Variants in ZFP1 observed in about 807,000 individuals in gnomAD.
The protein encoded by ZFP1 is ZFP1 zinc finger protein.
ZFP1 carries 32 observed loss-of-function variants against 38.5 expected under a neutral mutation model. The observed-to-expected ratio is 0.83, with a 90% CI of 0.63 to 1.12. The LOEUF (loss-of-function observed/expected upper bound fraction) is 1.12, where lower values mean the gene tolerates loss of function less well. ZFP1 is among the 50% of genes most tolerant of loss of function. The pLI, the probability that ZFP1 is intolerant of heterozygous loss-of-function variation, is 0.00. For synonymous variants in ZFP1, 245 were observed against 168.8 expected, an observed-to-expected ratio of 1.45 and a Z score of -3.50; for missense variants, 616 against 480.8, an observed-to-expected ratio of 1.28 and a Z score of -2.63.
chr16:75,163,560 C>T (rs967909061), intron 2 of ZFP1, among the ~76,000 whole-genome samples: 3 of 151,674 alleles, frequency 2.0e-5, no homozygotes, highest in Non-Finnish European at 1.5e-5. Context: ...GATCCACCTG[C>T]GTCGGCCTCC....
chr16:75,123,213 G>T, the ZFP1 span, among the ~76,000 whole-genome samples: 1 of 151,208 alleles, frequency 6.6e-6, no homozygotes. Context: ...AATTAGCTGG[G>T]CACAGTGGTG....
chr16:75,169,399 GTTTC>G lies in ZFP1; in HGVS notation c.293_296del (p.Ser98Ter), dbSNP rs866753231. On this transcript the variant is annotated frameshift_variant, in exon 4 of 4. Coordinates refer to ENST00000570010, the MANE Select transcript of ZFP1 (RefSeq NM_153688.4). LOFTEE classifies it high-confidence loss of function. ...AGCACTTAATCTGAACACAGACTTT[GTTTC>G]TTTAAGACAAGTACCTTATAAATAT... The G allele has an allele frequency of 6.2e-7, 1 of 1,614,084 alleles. No homozygotes were observed. Among genetic ancestry groups the G allele is most frequent in the Non-Finnish European group, 8.5e-7 (1 of 1,179,990 alleles).
chr16:75,124,461 C>G, the ZFP1 span, among the ~76,000 whole-genome samples: 1 of 143,170 alleles, frequency 7.0e-6, no homozygotes, highest in Admixed American at 6.9e-5. Context: ...CGCCCGGCTT[C>G]AAAGCTAATT....
intron 1 of ZFP1, among the ~76,000 whole-genome samples, chr16:75,150,568 A>ATAC (rs1275805188): frequency 6.6e-6 from 1 of 152,070 alleles, no homozygotes; most frequent in Non-Finnish European, 1.5e-5. Context: ...TTTGGTCAGA[A>ATAC]TACTGTGTTA....
At chr16:75,122,519 A>G in the ZFP1 span, among the ~76,000 whole-genome samples, 221 of 152,372 alleles carry the variant, frequency 1.5e-3, 1 homozygote, top group Middle Eastern at 6.8e-3. Flanking sequence ...AAACTTTAAA[A>G]TGGAGAATCA....
intron 2 of ZFP1, among the ~76,000 whole-genome samples, chr16:75,154,213 G>C (rs533712109): frequency 6.8e-5 from 7 of 103,398 alleles, no homozygotes; most frequent in African/African-American, 1.8e-4. Flanking sequence ...AACAGAGCGA[G>C]ACTTTGTCTC....
Position 75,169,317 on chromosome 16 carries a change from A to G in ZFP1, c.207A>G (p.Gln69=), listed in dbSNP as rs773146157. 2.5e-6 allele frequency: 4 copies of G among 1,614,072 alleles called. No individual in the cohort carries two copies. The highest frequency in any genetic ancestry group is 3.4e-6 in the Non-Finnish European group (4 of 1,180,010). The change falls in exon 4 of 4, where the codon CAA becomes CAG. Residue 69 remains glutamine (Q), a synonymous_variant. Coordinates refer to ENST00000570010, the MANE Select transcript of ZFP1 (RefSeq NM_153688.4). The part of the protein sequence containing the change: ...DHRNPDEQAR[Q]FLILKNQTPI... The stretch of plus-strand genomic sequence containing the variant: ...GAAACCCAGACGAGCAGGCGAGGCA[A>G]TTTTTAATTCTTAAGAACCAAACCC...
intron 2 of ZFP1, among the ~76,000 whole-genome samples, chr16:75,158,668 G>C (rs148576865): frequency 8.8e-5 from 13 of 148,388 alleles, no homozygotes; most frequent in African/African-American, 3.0e-4. Flanking sequence ...GTGAATTTCA[G>C]TGTGTCATTT....
At chr16:75,151,713 T>G (rs934342992) in intron 1 of ZFP1, among the ~76,000 whole-genome samples, 1 of 152,212 alleles carries the variant, frequency 6.6e-6, no homozygotes, top group African/African-American at 2.4e-5. Flanking sequence ...TTAGATAATC[T>G]TTCACAGTGA....
the ZFP1 span, among the ~76,000 whole-genome samples, chr16:75,133,108 G>C: frequency 6.6e-6 from 1 of 151,306 alleles, no homozygotes. Context: ...CTCCCAAGTA[G>C]CTGGGATTAC....
rs1437742381 is a variant in ZFP1, at chr16:75,169,719, G to A, written c.609G>A (p.Lys203=). The change falls in exon 4 of 4, where the codon AAG becomes AAA. Residue 203 remains lysine, a synonymous_variant. Coordinates refer to ENST00000570010, the MANE Select transcript of ZFP1 (RefSeq NM_153688.4). ...TTAAGTCACTCCTCATTAGTCATAA[G>A]AGAATACATACTGGAGAAAAGCCAT... ...FSFKSLLISH[K]RIHTGEKPYE... is the part of the protein sequence containing the mutation. The A allele has an allele frequency of 6.2e-7, 1 of 1,613,280 alleles. No individual in the cohort carries two copies. The highest frequency in any genetic ancestry group is 8.5e-7 in the Non-Finnish European group (1 of 1,179,604).
At position 75,169,995 on chromosome 16, in the gene ZFP1, C is replaced by T. The variant is rs1201875220; in HGVS notation, c.885C>T (p.Pro295=). The T allele has an allele frequency of 1.2e-6, 2 of 1,614,106 alleles. No homozygotes were observed. The highest frequency in any genetic ancestry group is 1.1e-5 in the South Asian group (1 of 91,082). The change falls in exon 4 of 4, where the codon CCC becomes CCT. Residue 295 remains proline (P), a synonymous_variant. Coordinates refer to ENST00000570010, the MANE Select transcript of ZFP1 (RefSeq NM_153688.4). ...THQRIHTGER[P]YECNECAKTF... ...AGAGAATTCATACAGGAGAGCGACC[C>T]TATGAGTGTAACGAATGTGCAAAAA...
At chr16:75,147,332 C>A (rs771260206), upstream of ZFP1, among the ~76,000 whole-genome samples, 3 of 152,118 alleles carry the variant, frequency 2.0e-5, no homozygotes, top group Non-Finnish European at 4.4e-5. Flanking sequence ...AGCTGGAGTG[C>A]AGTGGCACAA....
intron 1 of ZFP1, among the ~76,000 whole-genome samples, chr16:75,149,559 T>TTC (rs1555520696): frequency 1.7e-5 from 2 of 118,648 alleles, no homozygotes; most frequent in Non-Finnish European, 3.7e-5. Flanking sequence ...TTTACTTTCT[T>TTC]TTTTTTTTTT....
intron 1 of ZFP1, among the ~76,000 whole-genome samples, chr16:75,150,768 G>A (rs1190460910): frequency 6.6e-6 from 1 of 151,996 alleles, no homozygotes; most frequent in Non-Finnish European, 1.5e-5. Context: ...GATCTCTCTG[G>A]GTAACTGTTT....
chr16:75,167,424 G>A (rs1248456398), intron 3 of ZFP1, among the ~76,000 whole-genome samples: 1 of 149,768 alleles, frequency 6.7e-6, no homozygotes, highest in Non-Finnish European at 1.5e-5. Context: ...TAATCTTATA[G>A]ATATTTGCCT....
At chr16:75,151,255 A>T (rs1297871523) in intron 1 of ZFP1, among the ~76,000 whole-genome samples, 1 of 151,926 alleles carries the variant, frequency 6.6e-6, no homozygotes, top group Non-Finnish European at 1.5e-5. Context: ...TTTATATTTT[A>T]AACAAACTGC....
At chr16:75,148,883 C>T (rs961953262) in intron 1 of ZFP1, 2 of 152,186 alleles carry the variant, frequency 1.3e-5, no homozygotes, top group African/African-American at 4.8e-5. Flanking sequence ...TGAGGCTTCG[C>T]CTTCTTCTCT....
At chr16:75,128,278 G>C in the ZFP1 span, among the ~76,000 whole-genome samples, 1 of 152,170 alleles carries the variant, frequency 6.6e-6, no homozygotes, top group Admixed American at 6.5e-5. Context: ...ATCAGTATTT[G>C]ATGGTACAAA....
Sources: gnomAD v4.1 joint callset for allele counts (sites outside exome capture counted in the v4.1 genomes callset) on GRCh38, gnomAD v4.1.1 for gene constraint, MANE v1.5 for transcripts, NCBI Gene and HGNC (gene_info 2026-07-23, HGNC 2026-07-21) for gene names.